The following HERC2 variants were observed in gnomAD, a reference collection of about 807,000 sequenced individuals.
The protein encoded by HERC2 is HECT and RLD domain containing E3 ubiquitin protein ligase 2.
Under a neutral mutation model 537.7 loss-of-function variants are expected in HERC2, and 102 were observed. The observed-to-expected ratio is 0.19, with a 90% CI of 0.16 to 0.22. The LOEUF (loss-of-function observed/expected upper bound fraction) is 0.22, where lower values mean the gene tolerates loss of function less well. Among genes scored for constraint, HERC2 ranks in the 10% least tolerant of loss-of-function variants. The probability of loss-of-function intolerance (pLI) is 1.00; values close to 1 mark genes in which losing one functional copy is unlikely to be tolerated. For missense variants in HERC2, 4,236 were observed against 6,198.2 expected, an observed-to-expected ratio of 0.68 and a Z score of 10.63; for synonymous variants, 2,224 against 2,466.2, an observed-to-expected ratio of 0.90 and a Z score of 2.91.
At chr15:28,316,465 C>T (rs533935790) in intron 2 of HERC2, among the ~76,000 whole-genome samples, 377 of 152,036 alleles carry the variant, frequency 2.5e-3, no homozygotes, top group African/African-American at 8.6e-3. Context: ...CAAAGAAAGA[C>T]CCTGCCTCTA....
rs555597449 is a variant in HERC2, at chr15:28,280,359, T to C, written c.323-72A>G. On this transcript the variant is annotated intron_variant, in intron 4 of 92. Transcript: ENST00000261609. ...ACAGTTTGTTGCAATGTTGAGAAAA[T>C]GGATGATGACGACAGGTAGTACTCG... 166 of 1,272,492 alleles carry C rather than the reference T, an allele frequency of 1.3e-4. 2 individuals carry two copies. The South Asian group carries it at 2.0e-3, about 16-fold the overall frequency. 78.8% of individuals were successfully genotyped at this position (1,272,492 alleles called of 1,614,324 possible).
intron 18 of HERC2, 24 bp downstream of exon 18, chr15:28,256,065 C>T (rs745464450): frequency 6.2e-7 from 1 of 1,604,052 alleles, no homozygotes; most frequent in South Asian, 1.1e-5. Flanking sequence ...CCCATGCCCT[C>T]TCCTGTTCCT....
chr15:28,174,727 AGAATT>A (rs1170753238), intron 64 of HERC2, 107 bp from the exon 65 acceptor site: 1 of 912,046 alleles, frequency 1.1e-6, no homozygotes, highest in African/African-American at 1.7e-5. Context: ...GGTAGTTGAA[AGAATT>A]GAGTTCTTAA....
At chr15:28,150,967 C>T (rs1892385799) in intron 70 of HERC2, among the ~76,000 whole-genome samples, 1 of 152,024 alleles carries the variant, frequency 6.6e-6, no homozygotes, top group Admixed American at 6.5e-5. Flanking sequence ...CACTTCAGAC[C>T]CCACGAGGAC....
At chr15:28,187,891 G>A (rs967006377) in intron 55 of HERC2, among the ~76,000 whole-genome samples, 1 of 152,108 alleles carries the variant, frequency 6.6e-6, no homozygotes, top group Non-Finnish European at 1.5e-5. Context: ...TGCCTGCTGT[G>A]GTACTGACAA....
At chr15:28,124,541 CAG>C (rs1180670179) in intron 84 of HERC2, among the ~76,000 whole-genome samples, 1 of 140,768 alleles carries the variant, frequency 7.1e-6, no homozygotes, top group Non-Finnish European at 1.6e-5. Flanking sequence ...ACTGTACACA[CAG>C]AATATTGGCT....
chr15:28,130,345 T>C lies in HERC2; in HGVS notation c.12663-43A>G, dbSNP rs369801891. The stretch of plus-strand genomic sequence containing the variant: ...ATGGAAATTATGGGGCAAGGTGATC[T>C]CACTGACCACCCTGACCAGCCTCCT... On this transcript the variant is annotated intron_variant, in intron 82 of 92. Coordinates refer to ENST00000261609, the MANE Select transcript of HERC2 (RefSeq NM_004667.6). The C allele has an allele frequency of 3.1e-6, 5 of 1,613,104 alleles. No homozygotes were observed. In the African/African-American group the frequency reaches 6.7e-5, roughly 22 times the overall value.
At chr15:28,245,594 C>CACACAT (rs1567063989) in intron 23 of HERC2, among the ~76,000 whole-genome samples, 1 of 135,008 alleles carries the variant, frequency 7.4e-6, no homozygotes, top group African/African-American at 2.7e-5. Context: ...CACACACACA[C>CACACAT]ACACACACAC....
chr15:28,123,671 CTG>C (rs1328690879), intron 85 of HERC2, among the ~76,000 whole-genome samples: 1 of 152,224 alleles, frequency 6.6e-6, no homozygotes, highest in Non-Finnish European at 1.5e-5. Context: ...GCCGGCCTTC[CTG>C]TGTCAGTGGG....
intron 16 of HERC2, 33 bp from the exon 17 acceptor site, chr15:28,257,294 T>C: frequency 6.3e-7 from 1 of 1,588,006 alleles, no homozygotes; most frequent in African/African-American, 1.3e-5. Context: ...AAAATGAATC[T>C]CCAAATGCAG....
chr15:28,165,305 G>T (rs978491175), intron 68 of HERC2, among the ~76,000 whole-genome samples: 1 of 152,222 alleles, frequency 6.6e-6, no homozygotes, highest in African/African-American at 2.4e-5. Context: ...GCCAAGATCG[G>T]AGGTTGGTTA....
At chr15:28,200,352 G>A (rs1371494469) in intron 48 of HERC2, among the ~76,000 whole-genome samples, 2 of 151,916 alleles carry the variant, frequency 1.3e-5, no homozygotes, top group African/African-American at 2.4e-5. Context: ...CTGAGATCAC[G>A]CCACTGCACT....
intron 2 of HERC2, among the ~76,000 whole-genome samples, chr15:28,318,457 T>G (rs2141327437): frequency 6.6e-6 from 1 of 152,230 alleles, no homozygotes; most frequent in Middle Eastern, 3.4e-3. Flanking sequence ...TGGAGCCCTG[T>G]CTCTACTAAA....
chr15:28,142,081 A>G (rs577745276), intron 76 of HERC2, among the ~76,000 whole-genome samples, 157 bp downstream of exon 76: 1 of 152,316 alleles, frequency 6.6e-6, no homozygotes, highest in South Asian at 2.1e-4. Flanking sequence ...ACTGAAATTC[A>G]CAGTGTCAGT....
At chr15:28,258,932 A>G (rs1018912208) in intron 16 of HERC2, among the ~76,000 whole-genome samples, 2 of 152,240 alleles carry the variant, frequency 1.3e-5, no homozygotes, top group African/African-American at 4.8e-5. Context: ...TTCAGACAGC[A>G]AGAGAATACT....
At chr15:28,188,755 T>G (rs1896558746) in intron 55 of HERC2, among the ~76,000 whole-genome samples, 1 of 152,040 alleles carries the variant, frequency 6.6e-6, no homozygotes, top group Non-Finnish European at 1.5e-5. Flanking sequence ...GACAGGTTTG[T>G]GAGGGTTCCA....
Position 28,157,910 on chromosome 15 carries a change from A to G in HERC2, c.10747-5080T>C, listed in dbSNP as rs577077199. Among the ~76,000 whole-genome samples, 488 of 152,012 alleles carry G rather than the reference A, an allele frequency of 3.2e-3. 3 individuals carry two copies. Among genetic ancestry groups the G allele is most frequent in the African/African-American group, 0.011 (462 of 41,474 alleles). On this transcript the variant is annotated intron_variant, in intron 69 of 92. Transcript: ENST00000261609. ...TAAATTTCCCTCTACACACTGCTTT[A>G]AATGTGTCCCAGAGATTCTGGTATG...
Position 28,176,165 on chromosome 15 carries a change from T to G in HERC2, c.9686+263A>C, listed in dbSNP as rs1201972031. Among the ~76,000 whole-genome samples, 4 of 152,234 alleles carry G rather than the reference T, an allele frequency of 2.6e-5. No homozygotes were observed. In the South Asian group the frequency reaches 6.2e-4, roughly 24 times the overall value. On this transcript the variant is annotated intron_variant, in intron 63 of 92. Transcript: ENST00000261609. The surrounding 1 kb of genome is among the most constrained non-coding windows in gnomAD (Gnocchi z 5.0). ...CCTTAGGCTTCAGCAGAAGAAACCG[T>G]TCCCATAAATCTCACCCAAACAGGA...
At chr15:28,200,088 C>T (rs572591971) in intron 48 of HERC2, among the ~76,000 whole-genome samples, 1 of 152,060 alleles carries the variant, frequency 6.6e-6, no homozygotes, top group East Asian at 1.9e-4. Context: ...CACAACAGGA[C>T]TAGGGTCTTT....
Sources: allele counts gnomAD v4.1 joint callset (sites outside exome capture counted in the v4.1 genomes callset), GRCh38; gene constraint gnomAD v4.1.1; non-coding constraint Gnocchi (gnomAD v3.1); transcripts MANE v1.5; gene names NCBI Gene and HGNC (gene_info 2026-07-23, HGNC 2026-07-21).